Variants in CASKIN1 observed in about 807,000 individuals in gnomAD.
CASKIN1 encodes the protein CASK interacting protein 1, also known as caskin-1.
CASKIN1 carries 42 observed loss-of-function variants against 117.5 expected under a neutral mutation model. The ratio of observed to expected loss-of-function variants is 0.36; its 90% confidence interval spans 0.28 to 0.46. The LOEUF (loss-of-function observed/expected upper bound fraction) is 0.46. Ranked by LOEUF, CASKIN1 falls within the 20% of genes least tolerant of loss-of-function variation. The pLI is 1.00. For missense variants in CASKIN1, 2,083 were observed against 2,077.3 expected (o/e 1.00, Z -0.05); for synonymous variants, 1,148 against 961.7 (o/e 1.19, Z -3.59).
Position 2,179,676 on chromosome 16 carries a change from A to G in CASKIN1, c.3692T>C (p.Val1231Ala). 1 of 1,521,822 alleles carries G rather than the reference A, an allele frequency of 6.6e-7. No individual in the cohort carries two copies. 94.3% of individuals were successfully genotyped at this position (1,521,822 alleles called of 1,614,324 possible). A position where few individuals can be genotyped will look rare whatever the true frequency, so the allele number is the denominator to read the frequency against. Reference protein sequence around the residue: ...PAKPPVSPKPVLTQPVPKLQG... With the variant: ...PAKPPVSPKPALTQPVPKLQG... The stretch of plus-strand genomic sequence containing the variant: ...GAGCTTGGGCACAGGCTGCGTCAGG[A>G]CGGGCTTGGGAGAGACAGGCGGCTT... The change falls in exon 18 of 20, where the codon GTC becomes GCC. Residue 1231 changes from valine (V) to alanine (A), a missense_variant. Val to Ala is a moderately conservative substitution (Grantham distance 64, BLOSUM62 0). This residue lies in a region of CASKIN1 where 1,818 missense variants were observed against 1,688.9 expected (regional missense o/e 1.08). Transcript: ENST00000343516. This position sits in a 1 kb window ranked among gnomAD's most constrained non-coding sequence, Gnocchi z 5.8.
In CASKIN1 at chr16:2,178,037, T is replaced by G. The variant is rs2093148369; in HGVS notation, c.*513A>C. 4 of 454,266 alleles carry G rather than the reference T, an allele frequency of 8.8e-6. No homozygotes were observed. The highest frequency in any genetic ancestry group is 7.3e-5 in the South Asian group (4 of 54,462). 28.1% of individuals were successfully genotyped at this position (454,266 alleles called of 1,614,324 possible). ...TATAGAATCAATAATATTTCTTTCT[T>G]TAAATATATATTTGTTAAAGTTATA... is the stretch of plus-strand genomic sequence containing the variant. On this transcript the variant is annotated 3_prime_UTR_variant, in exon 20 of 20. Transcript: ENST00000343516.
intron 8 of CASKIN1, 30 bp from the exon 9 acceptor site, chr16:2,187,102 C>T (rs761062227): frequency 2.5e-6 from 4 of 1,613,142 alleles, no homozygotes; most frequent in South Asian, 2.2e-5. Context: ...CCCCCGAAGT[C>T]CTGCGGGCTG....
intron 10 of CASKIN1, 72 bp from the exon 11 acceptor site, chr16:2,185,480 G>C: frequency 3.0e-6 from 4 of 1,314,540 alleles, no homozygotes; most frequent in Non-Finnish European, 4.2e-6. Context: ...AGGCAGGACA[G>C]AGACTGGCGC....
Position 2,196,279 on chromosome 16 carries a change from C to G in CASKIN1, c.94+60G>C. ...TCCCCGCCCGGCGCCGGGTGGGGGG[C>G]TCCGCGCCGGGGAGGGGCCCCCGGG... On this transcript the variant is annotated intron_variant, in intron 1 of 19. Coordinates refer to ENST00000343516, the MANE Select transcript of CASKIN1 (RefSeq NM_020764.4). The surrounding 1 kb of genome is among the most constrained non-coding windows in gnomAD (Gnocchi z 5.7). 1 of 765,010 alleles carries G rather than the reference C, an allele frequency of 1.3e-6. No homozygotes were observed. Among genetic ancestry groups the G allele is most frequent in the Non-Finnish European group, 1.7e-6 (1 of 592,498 alleles). 47.4% of individuals were successfully genotyped at this position (765,010 alleles called of 1,614,324 possible). A position where few individuals can be genotyped will look rare whatever the true frequency, so the allele number is the denominator to read the frequency against.
rs1035061371 is a variant in CASKIN1 at position 2,178,041 on chromosome 16, A to G, written c.*509T>C. ...GAATCAATAATATTTCTTTCTTTAA[A>G]TATATATTTGTTAAAGTTATACCTT... On this transcript the variant is annotated 3_prime_UTR_variant, in exon 20 of 20. Coordinates refer to ENST00000343516, the MANE Select transcript of CASKIN1 (RefSeq NM_020764.4). 2.0e-5 allele frequency: 9 copies of G among 456,694 alleles called. No individual in the cohort carries two copies. Among genetic ancestry groups the G allele is most frequent in the East Asian group, 4.8e-5 (1 of 20,766 alleles). The allele number at this position is 456,694 out of a possible 1,614,324, so 28.3% of individuals were successfully genotyped here.
chr16:2,188,864 C>T (rs2093192573), intron 6 of CASKIN1, 163 bp downstream of exon 6: 1 of 993,516 alleles, frequency 1.0e-6, no homozygotes, highest in Non-Finnish European at 1.5e-6. Context: ...TGCAGCTCAT[C>T]CTGTACATGG....
chr16:2,184,671 G>A lies in CASKIN1; in HGVS notation c.1416+106C>T, dbSNP rs949558003. ...GAGGGTCTGGCCTGGCAATGCCCCC[G>A]ACCCCGCCGCTGCCAGGCCAGGCAG... On this transcript the variant is annotated intron_variant, in intron 14 of 19. Transcript: ENST00000343516. 7.1e-6 allele frequency: 7 copies of A among 983,244 alleles called. No homozygotes were observed. The Admixed American group carries it at 1.0e-4, about 15-fold the overall frequency. The allele number at this position is 983,244 out of a possible 1,614,324, so 60.9% of individuals were successfully genotyped here. A position where few individuals can be genotyped will look rare whatever the true frequency, so the allele number is the denominator to read the frequency against.
chr16:2,188,914 G>C, intron 6 of CASKIN1, 113 bp downstream of exon 6: 2 of 1,449,328 alleles, frequency 1.4e-6, no homozygotes, highest in Non-Finnish European at 1.8e-6. Context: ...AGGGACCTGG[G>C]ACCCTGCCTG....
Position 2,184,772 on chromosome 16 carries a change from T to C in CASKIN1, c.1416+5A>G, listed in dbSNP as rs755519086. 4.0e-6 allele frequency: 6 copies of C among 1,513,680 alleles called. No homozygotes were observed. The South Asian group carries it at 4.0e-5, about 10-fold the overall frequency. The allele number at this position is 1,513,680 out of a possible 1,614,324, so 93.8% of individuals were successfully genotyped here. ...CCACGCTGAGAACACCCCCAAGCCCTGTACCTTGCCCTCCGATGCTGGCTC... is the reference window on the plus strand; with the variant it reads ...CCACGCTGAGAACACCCCCAAGCCCCGTACCTTGCCCTCCGATGCTGGCTC... On this transcript the variant is annotated splice_donor_5th_base_variant and intron_variant, in intron 14 of 19. Transcript: ENST00000343516.
chr16:2,193,852 G>C, intron 1 of CASKIN1, among the ~76,000 whole-genome samples: 1 of 152,216 alleles, frequency 6.6e-6, no homozygotes, highest in Non-Finnish European at 1.5e-5. Context: ...ATTCCTGTGG[G>C]GGGACAGTGG....
chr16:2,184,052 T>G, intron 14 of CASKIN1, 111 bp from the exon 15 acceptor site: 1 of 674,680 alleles, frequency 1.5e-6, no homozygotes, highest in Non-Finnish European at 2.5e-6. Context: ...GCGTCCGCCG[T>G]CCGCTGCTCC....
Position 2,179,558 on chromosome 16 carries a change from C to T in CASKIN1, c.3775+35G>A. 7.0e-7 allele frequency: 1 copy of T among 1,422,560 alleles called. No homozygotes were observed. The highest frequency in any genetic ancestry group is 1.5e-5 in the African/African-American group (1 of 67,704). The allele number at this position is 1,422,560 out of a possible 1,614,324, so 88.1% of individuals were successfully genotyped here. ...ACCGAGTAAGGAGGTGGAGCAGGGT[C>T]CTGTTGCCCCTTCACCCCACCCTGG... On this transcript the variant is annotated intron_variant, in intron 18 of 19. Transcript: ENST00000343516. This position sits in a 1 kb window ranked among gnomAD's most constrained non-coding sequence, Gnocchi z 5.8.
intron 1 of CASKIN1, among the ~76,000 whole-genome samples, chr16:2,195,313 C>T (rs760663397): frequency 1.3e-5 from 2 of 152,120 alleles, no homozygotes; most frequent in South Asian, 2.1e-4. Context: ...TCCCAGTTCT[C>T]GGCATCCCCC....
intron 1 of CASKIN1, among the ~76,000 whole-genome samples, chr16:2,191,698 C>A (rs1344226819): frequency 6.6e-6 from 1 of 152,264 alleles, no homozygotes. Context: ...CTGCTGGCAC[C>A]AGTGTCCCTC....
chr16:2,192,040 C>G (rs1484983272), intron 1 of CASKIN1, among the ~76,000 whole-genome samples: 1 of 152,238 alleles, frequency 6.6e-6, no homozygotes, highest in Non-Finnish European at 1.5e-5. Flanking sequence ...GCCTGTAACC[C>G]CAGCACATTG....
intron 16 of CASKIN1, 106 bp downstream of exon 16, chr16:2,183,540 C>G (rs1162874202): frequency 9.0e-6 from 10 of 1,115,278 alleles, no homozygotes; most frequent in East Asian, 2.6e-5. Flanking sequence ...TCCTCTCCCT[C>G]AAGCCCCTGA....
rs1482171400 is a variant in CASKIN1 at position 2,179,999 on chromosome 16, T to C, written c.3369A>G (p.Thr1123=). ...GCTTGGCCCGGATGCGCCTCTTGAG[T>C]GTGGCGCTGGCTTCCACCTTGGCCA... ...PPLAKVEASA[T]LKRRIRAKQN... is the part of the protein sequence containing the mutation. Residue 1123 remains threonine (T), a synonymous_variant, in exon 18 of 20, where the codon ACA becomes ACG. Transcript: ENST00000343516. The surrounding 1 kb of genome is among the most constrained non-coding windows in gnomAD (Gnocchi z 5.8). The C allele has an allele frequency of 1.9e-6, 3 of 1,603,282 alleles. No individual in the cohort carries two copies. The highest frequency in any genetic ancestry group is 2.6e-6 in the Non-Finnish European group (3 of 1,175,470).
chr16:2,179,787 G>A lies in CASKIN1; in HGVS notation c.3581C>T (p.Pro1194Leu). 6.4e-7 allele frequency: 1 copy of A among 1,571,064 alleles called. No individual in the cohort carries two copies. Among genetic ancestry groups the A allele is most frequent in the Non-Finnish European group, 8.6e-7 (1 of 1,162,444 alleles). ...EQAGPPELPP[P>L]PPPAEPPPTD... ...GGGCGGGGGTTCGGCAGGCGGGGGC[G>A]GTGGAGGCAGCTCCGGAGGCCCAGC... is the stretch of plus-strand genomic sequence containing the variant. Residue 1194 changes from proline (P) to leucine (L), a missense_variant, in exon 18 of 20, where the codon CCG (proline) becomes CTG (leucine). Physicochemically the swap from Pro to Leu is moderately conservative, Grantham distance 98. Transcript: ENST00000343516. This position sits in a 1 kb window ranked among gnomAD's most constrained non-coding sequence, Gnocchi z 5.8.
intron 3 of CASKIN1, 31 bp downstream of exon 3, chr16:2,190,035 CGCCCCTG>C: frequency 3.8e-6 from 6 of 1,561,976 alleles, no homozygotes; most frequent in Non-Finnish European, 5.3e-6. Context: ...TCGCTGCCCC[CGCCCCTG>C]CCCCCACCAG....
Sources: gnomAD v4.1 joint callset for allele counts (sites outside exome capture counted in the v4.1 genomes callset) on GRCh38, gnomAD v4.1.1 for gene constraint, gnomAD v4.1.1 regional missense constraint, Gnocchi (gnomAD v3.1) non-coding constraint, MANE v1.5 for transcripts, NCBI Gene and HGNC (gene_info 2026-07-23, HGNC 2026-07-21) for gene names.